PUDP: variants seen among roughly 807,000 people sequenced by gnomAD.
The protein encoded by PUDP is pseudouridine-5'-phosphatase.
In PUDP, 8 loss-of-function variants were observed where a neutral mutation model predicts 9.4. The ratio of observed to expected loss-of-function variants is 0.85; its 90% CI spans 0.50 to 1.53. The LOEUF (loss-of-function observed/expected upper bound fraction) is 1.53. Among genes scored for constraint, PUDP ranks in the 40% most tolerant of loss-of-function variants. The probability of loss-of-function intolerance (pLI) is 0.00; values close to 1 mark genes in which losing one functional copy is unlikely to be tolerated. For synonymous variants in PUDP, 99 were observed against 80.7 expected (o/e 1.23, Z -1.22); for missense variants, 188 against 189.7 (o/e 0.99, Z 0.05).
intron 3 of PUDP, among the ~76,000 whole-genome samples, chrX:7,065,583 T>A (rs745468457): frequency 4.1e-4 from 46 of 112,368 alleles, no homozygotes; most frequent in African/African-American, 1.5e-3. Flanking sequence ...ATAACGAGGC[T>A]GAATTCACTG....
chrX:6,944,046 G>A (rs1442959778), intron 3 of PUDP, among the ~76,000 whole-genome samples: 1 of 111,738 alleles, frequency 8.9e-6, no homozygotes, highest in Non-Finnish European at 1.9e-5. Flanking sequence ...GGAATTACAT[G>A]GTTTGGCTGA....
At chrX:7,084,972 G>C (rs1287144920) in intron 2 of PUDP, 1 of 112,161 alleles carries the variant, frequency 8.9e-6, no homozygotes, top group Non-Finnish European at 1.9e-5. Flanking sequence ...CTTTACACAA[G>C]ACAGACCTGT....
intron 3 of PUDP, among the ~76,000 whole-genome samples, chrX:6,881,578 T>C (rs900724651): frequency 3.6e-5 from 4 of 112,023 alleles, no homozygotes; most frequent in African/African-American, 1.3e-4. Context: ...AGATGTAAGA[T>C]GTGATGGGGC....
At chrX:6,832,976 T>G (rs1780563184) in intron 3 of PUDP, among the ~76,000 whole-genome samples, 2 of 91,287 alleles carry the variant, frequency 2.2e-5, no homozygotes, top group Non-Finnish European at 4.3e-5. Flanking sequence ...ACTCTCTCTC[T>G]CTCTCTGACA....
intron 1 of PUDP, among the ~76,000 whole-genome samples, chrX:7,108,220 C>T (rs1263674499): frequency 1.8e-5 from 2 of 112,670 alleles, no homozygotes; most frequent in African/African-American, 3.2e-5. Flanking sequence ...GGGCTCTTGC[C>T]GCCTTATACT....
At chrX:7,056,014 T>C (rs749198319) in intron 3 of PUDP, among the ~76,000 whole-genome samples, 5 of 111,338 alleles carry the variant, frequency 4.5e-5, no homozygotes, top group Non-Finnish European at 9.4e-5. Context: ...TGCTTCCTTT[T>C]AAGCACCTCA....
intron 3 of PUDP, among the ~76,000 whole-genome samples, chrX:7,069,014 G>A (rs1210059331): frequency 1.8e-5 from 2 of 111,809 alleles, no homozygotes; most frequent in Non-Finnish European, 3.8e-5. Context: ...TCACCCAGGG[G>A]GATGGGACAG....
intron 1 of PUDP, among the ~76,000 whole-genome samples, chrX:7,130,864 C>A (rs1347535259): frequency 2.7e-5 from 3 of 111,364 alleles, no homozygotes; most frequent in Admixed American, 9.5e-5. Flanking sequence ...CTAGCCTGGA[C>A]AACAGAATGA....
chrX:6,965,362 G>A (rs183110151), intron 3 of PUDP, among the ~76,000 whole-genome samples: 1 of 111,972 alleles, frequency 8.9e-6, no homozygotes, highest in East Asian at 2.8e-4. Context: ...GAAAAGATAC[G>A]TTTCTCTTAC....
chrX:6,720,664 AAATAATAAT>A (rs34237665), intron 1 of PUDP, among the ~76,000 whole-genome samples: 4 of 104,108 alleles, frequency 3.8e-5, no homozygotes, highest in African/African-American at 1.4e-4. Flanking sequence ...CACTATCCCC[AAATAATAAT>A]AATAATAATA....
chrX:6,720,766 C>T (rs1924664491), intron 1 of PUDP, among the ~76,000 whole-genome samples: 1 of 110,884 alleles, frequency 9.0e-6, no homozygotes, highest in Non-Finnish European at 1.9e-5. Context: ...ATCAAAACCT[C>T]ACACGGTACA....
At chrX:6,895,983 G>A (rs1927585645) in intron 3 of PUDP, among the ~76,000 whole-genome samples, 1 of 110,926 alleles carries the variant, frequency 9.0e-6, no homozygotes, top group Admixed American at 9.6e-5. Context: ...TTTCATGATA[G>A]CATCACCTCC....
At chrX:7,042,662 G>T (rs955958687) in intron 1 of PUDP, among the ~76,000 whole-genome samples, 2 of 106,650 alleles carry the variant, frequency 1.9e-5, no homozygotes, top group African/African-American at 6.9e-5. Flanking sequence ...CATTTTTTGG[G>T]GGGGGTAGAC....
chrX:6,786,514 T>C (rs766963290), intron 3 of PUDP, among the ~76,000 whole-genome samples: 2 of 112,612 alleles, frequency 1.8e-5, no homozygotes, highest in East Asian at 5.6e-4. Flanking sequence ...CCCTCTTCTC[T>C]GCAATAGCAT....
chrX:7,120,296 T>G (rs1239949529), intron 1 of PUDP, among the ~76,000 whole-genome samples: 1 of 111,069 alleles, frequency 9.0e-6, no homozygotes, highest in African/African-American at 3.3e-5. Flanking sequence ...GGACTCAATA[T>G]AATCACAAGG....
At chrX:7,134,205 G>A (rs1219506031) in intron 1 of PUDP, among the ~76,000 whole-genome samples, 1 of 112,116 alleles carries the variant, frequency 8.9e-6, no homozygotes, top group African/African-American at 3.2e-5. Context: ...AGCTAAAGTG[G>A]TTTTGGGCTA....
At chrX:6,863,034 T>C (rs769776743) in intron 3 of PUDP, among the ~76,000 whole-genome samples, 1 of 111,916 alleles carries the variant, frequency 8.9e-6, no homozygotes, top group Non-Finnish European at 1.9e-5. Context: ...CACTTCATTA[T>C]GTAAATAATT....
intron 3 of PUDP, among the ~76,000 whole-genome samples, chrX:7,051,308 C>T (rs1356978371): frequency 3.6e-5 from 4 of 111,520 alleles, no homozygotes; most frequent in Admixed American, 9.5e-5. Flanking sequence ...ATCCAAATAT[C>T]GTATGCTCTC....
chrX:6,975,824 C>T (rs1451122301), intron 3 of PUDP, among the ~76,000 whole-genome samples: 1 of 112,238 alleles, frequency 8.9e-6, no homozygotes, highest in African/African-American at 3.2e-5. Flanking sequence ...CCCCCAGGTG[C>T]TCTGTCTCAG....
Sources: gnomAD v4.1 joint callset for allele counts (sites outside exome capture counted in the v4.1 genomes callset) on GRCh38, gnomAD v4.1.1 for gene constraint, MANE v1.5 for transcripts, NCBI Gene and HGNC (gene_info 2026-07-23, HGNC 2026-07-21) for gene names.